Variants in RBMX2 observed in about 807,000 individuals in gnomAD.
The protein encoded by RBMX2 is RNA-binding motif protein, X-linked 2.
For missense variants in RBMX2, 191 were observed against 256.0 expected (o/e 0.75, Z 1.73); for synonymous variants, 77 against 94.3 (o/e 0.82, Z 1.07).
At chrX:130,402,161 G>A (rs2034458037) in intron 1 of RBMX2, 94 bp from the exon 2 acceptor site, 1 of 1,160,485 alleles carries the variant, frequency 8.6e-7, no homozygotes, top group African/African-American at 1.8e-5. Flanking sequence ...GGAACAGCTC[G>A]TCCCCTAGTT....
At chrX:130,402,474 A>G in intron 2 of RBMX2, 104 bp downstream of exon 2, 7 of 1,098,168 alleles carry the variant, frequency 6.4e-6, no homozygotes, top group Non-Finnish European at 6.0e-6. Flanking sequence ...TTCATCGCCC[A>G]CCTTCATATC....
intron 1 of RBMX2, 23 bp from the exon 2 acceptor site, chrX:130,402,232 C>T (rs763400699): frequency 8.6e-7 from 1 of 1,159,942 alleles, no homozygotes. Flanking sequence ...CCTACCCTCC[C>T]CACCCCCCCC....
At chrX:130,404,598 T>G (rs1394508082) in intron 3 of RBMX2, 3 of 112,698 alleles carry the variant, frequency 2.7e-5, no homozygotes, top group Middle Eastern at 4.6e-3. Context: ...TAGTACTGTT[T>G]CAGAGAAGTT....
intron 1 of RBMX2, 22 bp from the exon 2 acceptor site, chrX:130,402,233 C>CG (rs2034459128): frequency 8.7e-7 from 1 of 1,150,895 alleles, no homozygotes; most frequent in African/African-American, 1.9e-5. Flanking sequence ...CTACCCTCCC[C>CG]ACCCCCCCCG....
intron 3 of RBMX2, 192 bp downstream of exon 3, chrX:130,404,045 G>C: frequency 2.4e-6 from 1 of 424,006 alleles, no homozygotes; most frequent in Non-Finnish European, 4.1e-6. Context: ...AGATCCAAGA[G>C]GTTTGTTAAT....
chrX:130,408,486 A>G (rs2034496362), intron 3 of RBMX2, among the ~76,000 whole-genome samples: 1 of 111,535 alleles, frequency 9.0e-6, no homozygotes, highest in Admixed American at 9.5e-5. Flanking sequence ...ATAGTCTGCC[A>G]TTTATTTTTT....
chrX:130,402,181 C>G, intron 1 of RBMX2, 74 bp from the exon 2 acceptor site: 2 of 1,169,049 alleles, frequency 1.7e-6, no homozygotes, highest in Non-Finnish European at 2.3e-6. Context: ...TTTGCTCTTC[C>G]TCAGCTCCGG....
At chrX:130,406,673 C>CAAAAAA (rs760646561) in intron 3 of RBMX2, among the ~76,000 whole-genome samples, 42 of 58,705 alleles carry the variant, frequency 7.2e-4, no homozygotes, top group African/African-American at 1.2e-3. Flanking sequence ...ACTCTGTCTC[C>CAAAAAA]AAAAAAAAAA....
intron 3 of RBMX2, 61 bp from the exon 4 acceptor site, chrX:130,409,196 C>T: frequency 1.9e-6 from 2 of 1,036,588 alleles, no homozygotes; most frequent in South Asian, 4.9e-5. Context: ...GTTTTATTAC[C>T]TTATCTGCAT....
chrX:130,407,127 C>G (rs948111771), intron 3 of RBMX2, among the ~76,000 whole-genome samples: 1 of 101,984 alleles, frequency 9.8e-6, no homozygotes, highest in Non-Finnish European at 1.9e-5. Context: ...AAGCCAGTGC[C>G]TGTATTCTTT....
chrX:130,404,002 G>T, intron 3 of RBMX2, 149 bp downstream of exon 3: 2 of 534,208 alleles, frequency 3.7e-6, no homozygotes, highest in Non-Finnish European at 6.4e-6. Flanking sequence ...TTCTAGATCA[G>T]TCCCAGGACA....
intron 3 of RBMX2, among the ~76,000 whole-genome samples, chrX:130,408,566 CT>C (rs1292305282): frequency 1.8e-5 from 2 of 110,668 alleles, no homozygotes; most frequent in African/African-American, 6.6e-5. Flanking sequence ...AGTTAGGTAA[CT>C]TTTTTTTATT....
rs2034525460 is a variant in RBMX2, at chrX:130,413,471, A to G, written c.*623A>G. On this transcript the variant is annotated 3_prime_UTR_variant, in exon 6 of 6. Coordinates refer to ENST00000305536, the MANE Select transcript of RBMX2 (RefSeq NM_016024.4). Reference sequence around the variant, plus strand: ...GTGGCATTTGGTACTGAACATCCACAGTGTTGTGTAACCATTGCCTCTGTC... The same window carrying G: ...GTGGCATTTGGTACTGAACATCCACGGTGTTGTGTAACCATTGCCTCTGTC... 9.0e-6 allele frequency: 1 copy of G among 111,361 alleles called. No individual in the cohort carries two copies. The highest frequency in any genetic ancestry group is 3.8e-4 in the South Asian group (1 of 2,663). 9.2% of individuals were successfully genotyped at this position (111,361 alleles called of 1,213,427 possible). A position where few individuals can be genotyped will look rare whatever the true frequency, so the allele number is the denominator to read the frequency against.
At chrX:130,406,121 C>G (rs2034484324) in intron 3 of RBMX2, among the ~76,000 whole-genome samples, 1 of 67,643 alleles carries the variant, frequency 1.5e-5, no homozygotes, top group African/African-American at 1.6e-4. Context: ...TCCCAAAGTG[C>G]TGGGATTACA....
chrX:130,403,948 C>A, intron 3 of RBMX2, 95 bp downstream of exon 3: 1 of 896,400 alleles, frequency 1.1e-6, no homozygotes, highest in Non-Finnish European at 1.6e-6. Context: ...TATTTTCACT[C>A]TAGGCTGAAT....
intron 4 of RBMX2, among the ~76,000 whole-genome samples, chrX:130,410,493 T>A (rs1311212104): frequency 1.8e-5 from 2 of 110,820 alleles, no homozygotes; most frequent in African/African-American, 6.6e-5. Context: ...TTCAAGTGAT[T>A]CTCCTGTCTC....
At chrX:130,406,637 C>T (rs1193041760) in intron 3 of RBMX2, among the ~76,000 whole-genome samples, 1 of 102,522 alleles carries the variant, frequency 9.8e-6, no homozygotes, top group Admixed American at 1.1e-4. Context: ...AGTACCATTG[C>T]ACTCCAGCCT....
At chrX:130,408,795 T>G (rs1379319253) in intron 3 of RBMX2, among the ~76,000 whole-genome samples, 1 of 112,494 alleles carries the variant, frequency 8.9e-6, no homozygotes, top group African/African-American at 3.2e-5. Flanking sequence ...AGTAATTATG[T>G]ATATTAATTA....
intron 1 of RBMX2, 31 bp from the exon 2 acceptor site, chrX:130,402,224 T>TGGCCCCCC: frequency 8.5e-7 from 1 of 1,174,330 alleles, no homozygotes; most frequent in South Asian, 1.9e-5. Flanking sequence ...CTTTTCTGCC[T>TGGCCCCCC]ACCCTCCCCA....
Sources: allele counts gnomAD v4.1 joint callset (sites outside exome capture counted in the v4.1 genomes callset), GRCh38; gene constraint gnomAD v4.1.1; transcripts MANE v1.5; gene names NCBI Gene and HGNC (gene_info 2026-07-23, HGNC 2026-07-21).